The following RECK variants were observed in gnomAD, a reference collection of about 807,000 sequenced individuals.
RECK encodes reversion-inducing cysteine-rich protein with Kazal motifs.
RECK carries 69 observed loss-of-function variants against 115.1 expected under a neutral mutation model. That is an observed-to-expected ratio of 0.60 (90% confidence interval 0.49 to 0.73). The LOEUF is 0.73. RECK is among the 30% of genes least tolerant of loss of function. The probability of loss-of-function intolerance (pLI) is 0.00; values close to 1 mark genes in which losing one functional copy is unlikely to be tolerated. For missense variants in RECK, 1,047 were observed against 1,203.7 expected (o/e 0.87, Z 1.93); for synonymous variants, 414 against 419.7 (o/e 0.99, Z 0.17).
At chr9:36,048,933 A>T (rs1324646204) in intron 1 of RECK, among the ~76,000 whole-genome samples, 2 of 152,122 alleles carry the variant, frequency 1.3e-5, no homozygotes, top group African/African-American at 4.8e-5. Flanking sequence ...TCCCCAGGCC[A>T]CCCACACTTT....
intron 10 of RECK, 65 bp downstream of exon 10, chr9:36,091,408 C>T (rs1389341052): frequency 3.5e-6 from 4 of 1,155,042 alleles, no homozygotes; most frequent in Non-Finnish European, 4.7e-6. Flanking sequence ...AGTGAAATAC[C>T]ACTTTATTCT....
In RECK at chr9:36,052,783, AG is replaced by A. The variant is rs527733058; in HGVS notation, c.159+462del. Among the ~76,000 whole-genome samples the A allele has an allele frequency of 9.2e-5, 14 of 152,370 alleles. No individual in the cohort carries two copies. The South Asian group carries it at 2.1e-3, about 23-fold the overall frequency. ...AGGCTAAGAAACTGTTACAGATTAA[AG>A]GAAACTAAAGAGATGTGACAACAAA... On this transcript the variant is annotated intron_variant, in intron 2 of 20. Coordinates refer to ENST00000377966, the MANE Select transcript of RECK (RefSeq NM_021111.3).
At chr9:36,115,421 C>T (rs1824222908) in intron 16 of RECK, among the ~76,000 whole-genome samples, 1 of 150,910 alleles carries the variant, frequency 6.6e-6, no homozygotes, top group African/African-American at 2.4e-5. Flanking sequence ...TAACAACAAA[C>T]AAGACAGATC....
intron 6 of RECK, among the ~76,000 whole-genome samples, chr9:36,069,290 A>G (rs1822132479): frequency 6.6e-6 from 1 of 152,098 alleles, no homozygotes; most frequent in Non-Finnish European, 1.5e-5. Context: ...CTGTAATCCC[A>G]GCACTTCGGG....
At chr9:36,061,683 C>A (rs916913755) in intron 4 of RECK, among the ~76,000 whole-genome samples, 2 of 152,158 alleles carry the variant, frequency 1.3e-5, no homozygotes, top group East Asian at 1.9e-4. Context: ...ATTTAAAATT[C>A]TTTCCAACAT....
chr9:36,083,782 C>A (rs1822829317), intron 8 of RECK, among the ~76,000 whole-genome samples: 1 of 152,094 alleles, frequency 6.6e-6, no homozygotes, highest in East Asian at 1.9e-4. Context: ...ATTCTCAATT[C>A]TGAGGGTGGG....
intron 15 of RECK, 139 bp from the exon 16 acceptor site, chr9:36,112,166 A>G (rs1488739805): frequency 3.4e-6 from 2 of 595,882 alleles, no homozygotes; most frequent in African/African-American, 2.2e-5. Flanking sequence ...ATCGGAGAGA[A>G]GGTTTTTCCT....
chr9:36,092,499 C>T (rs1823196986), intron 10 of RECK, among the ~76,000 whole-genome samples: 1 of 151,538 alleles, frequency 6.6e-6, no homozygotes, highest in Non-Finnish European at 1.5e-5. Flanking sequence ...CCTCAGCCTC[C>T]CAAGTAGCTG....
intron 5 of RECK, among the ~76,000 whole-genome samples, chr9:36,064,459 G>A (rs2132589695): frequency 6.6e-6 from 1 of 152,280 alleles, no homozygotes; most frequent in African/African-American, 2.4e-5. Context: ...TAGCCTCTTG[G>A]TTCCTCTACT....
intron 13 of RECK, among the ~76,000 whole-genome samples, chr9:36,106,994 T>C (rs943278720): frequency 6.7e-6 from 1 of 149,554 alleles, no homozygotes; most frequent in Non-Finnish European, 1.5e-5. Context: ...TAGTCCCAGA[T>C]ACTCAGGAGA....
At chr9:36,109,441 C>T (rs75509067) in intron 14 of RECK, among the ~76,000 whole-genome samples, 3,842 of 152,252 alleles carry the variant, frequency 0.025, 176 homozygotes, top group African/African-American at 0.088. Flanking sequence ...ATAGGGAGCA[C>T]CCTGGTAAGA....
At chr9:36,051,718 A>G (rs1219818309) in intron 1 of RECK, among the ~76,000 whole-genome samples, 2 of 152,128 alleles carry the variant, frequency 1.3e-5, no homozygotes, top group African/African-American at 4.8e-5. Flanking sequence ...CTCCCTAGAC[A>G]ATATCATTCA....
chr9:36,045,672 G>A (rs1432270963), intron 1 of RECK, among the ~76,000 whole-genome samples: 6 of 151,144 alleles, frequency 4.0e-5, no homozygotes, highest in African/African-American at 1.5e-4. Flanking sequence ...AGACATCTGT[G>A]GCAAAAATCC....
At position 36,123,216 on chromosome 9, in the gene RECK, T is replaced by C. The variant is rs1340070370; in HGVS notation, c.*171T>C. On this transcript the variant is annotated 3_prime_UTR_variant, in exon 21 of 21. Coordinates refer to ENST00000377966, the MANE Select transcript of RECK (RefSeq NM_021111.3). Reference sequence around the variant, plus strand: ...CGCCAATATTAGTAGGATTTTTGTTTTGTTTTTACAAATGTTAAAATGTGT... The same window carrying C: ...CGCCAATATTAGTAGGATTTTTGTTCTGTTTTTACAAATGTTAAAATGTGT... The C allele has an allele frequency of 1.8e-6, 1 of 557,348 alleles. No individual in the cohort carries two copies. Among genetic ancestry groups the C allele is most frequent in the Non-Finnish European group, 3.1e-6 (1 of 318,068 alleles). 34.5% of individuals were successfully genotyped at this position (557,348 alleles called of 1,614,324 possible).
intron 15 of RECK, among the ~76,000 whole-genome samples, chr9:36,110,285 C>T (rs900345618): frequency 9.2e-5 from 14 of 152,180 alleles, no homozygotes; most frequent in Non-Finnish European, 1.9e-4. Context: ...TCTTAGGGCC[C>T]TTAGCACTAA....
At chr9:36,110,114 C>A (rs769509898) in intron 15 of RECK, 35 bp downstream of exon 15, 1 of 1,565,128 alleles carries the variant, frequency 6.4e-7, no homozygotes, top group Non-Finnish European at 8.7e-7. Flanking sequence ...TCCTCAGGGG[C>A]CATCATTTCT....
At chr9:36,105,016 G>T in intron 12 of RECK, 127 bp from the exon 13 acceptor site, 1 of 629,854 alleles carries the variant, frequency 1.6e-6, no homozygotes, top group African/African-American at 1.9e-5. Context: ...TTAATAGCTT[G>T]GTAGAATCAG....
intron 2 of RECK, 28 bp from the exon 3 acceptor site, chr9:36,058,799 C>A: frequency 6.5e-7 from 1 of 1,538,934 alleles, no homozygotes; most frequent in African/African-American, 1.4e-5. Context: ...AAAAATGCCA[C>A]AAAAACTTTT....
intron 1 of RECK, among the ~76,000 whole-genome samples, chr9:36,050,438 C>T (rs1195562772): frequency 6.6e-6 from 1 of 152,102 alleles, no homozygotes; most frequent in Admixed American, 6.6e-5. Context: ...TATCCAGATT[C>T]GGACTACTTA....
Sources: gnomAD v4.1 joint callset for allele counts (sites outside exome capture counted in the v4.1 genomes callset) on GRCh38, gnomAD v4.1.1 for gene constraint, MANE v1.5 for transcripts, NCBI Gene and HGNC (gene_info 2026-07-23, HGNC 2026-07-21) for gene names.